The following MAF variants were observed in gnomAD, a reference collection of about 807,000 sequenced individuals.
MAF encodes MAF bZIP transcription factor, also known as transcription factor Maf.
A neutral mutation model predicts 22.0 loss-of-function variants in MAF; 10 were observed. That is an observed-to-expected ratio of 0.45 (90% confidence interval 0.28 to 0.77). The LOEUF (loss-of-function observed/expected upper bound fraction) is 0.77. Among genes scored for constraint, MAF ranks in the 30% least tolerant of loss-of-function variants. MAF has a pLI of 0.12. For synonymous variants in MAF, 337 were observed against 255.8 expected, an observed-to-expected ratio of 1.32 and a Z score of -3.03; for missense variants, 544 against 548.4, an observed-to-expected ratio of 0.99 and a Z score of 0.08.
At chr16:79,579,726 C>A in the MAF span, among the ~76,000 whole-genome samples, 13 of 152,182 alleles carry the variant, frequency 8.5e-5, no homozygotes, top group Admixed American at 4.6e-4. Flanking sequence ...CTGACAAATT[C>A]ACAATGAAAT....
chr16:79,462,929 A>C, the MAF span, among the ~76,000 whole-genome samples: 23 of 152,354 alleles, frequency 1.5e-4, no homozygotes, highest in Admixed American at 9.1e-4. Context: ...GCTTAGCATT[A>C]TGAAGTTACA....
At chr16:79,432,244 T>C in the MAF span, among the ~76,000 whole-genome samples, 3 of 152,108 alleles carry the variant, frequency 2.0e-5, no homozygotes, top group African/African-American at 7.2e-5. Flanking sequence ...TGTGAAGAGG[T>C]ACCTTCTGCC....
At chr16:79,343,232 G>T in the MAF span, among the ~76,000 whole-genome samples, 1 of 129,606 alleles carries the variant, frequency 7.7e-6, no homozygotes, top group African/African-American at 2.7e-5. Flanking sequence ...GATCTAATCA[G>T]CCCCAACCCC....
the MAF span, among the ~76,000 whole-genome samples, chr16:79,323,318 G>C: frequency 6.6e-6 from 1 of 151,850 alleles, no homozygotes; most frequent in Non-Finnish European, 1.5e-5. Flanking sequence ...TGGTGTCCCA[G>C]GGGAGAAAAG....
chr16:79,569,569 T>A, the MAF span, among the ~76,000 whole-genome samples: 13 of 152,330 alleles, frequency 8.5e-5, no homozygotes, highest in Admixed American at 7.8e-4. Context: ...TCAGACTGCC[T>A]GAATCGGAAA....
chr16:79,547,672 T>C, the MAF span, among the ~76,000 whole-genome samples: 2 of 152,226 alleles, frequency 1.3e-5, no homozygotes, highest in South Asian at 2.1e-4. Context: ...TTAAGATTCA[T>C]TAGGTCTACC....
At chr16:79,558,701 C>T in the MAF span, among the ~76,000 whole-genome samples, 18,223 of 152,176 alleles carry the variant, frequency 0.12, 1,310 homozygotes, top group East Asian at 0.26. Flanking sequence ...GATGCAGATA[C>T]TCCATGCCTT....
the MAF span, among the ~76,000 whole-genome samples, chr16:79,486,415 G>C: frequency 3.3e-5 from 5 of 152,104 alleles, no homozygotes; most frequent in African/African-American, 9.7e-5. Context: ...AGGACAATCT[G>C]AGAAAATACA....
the MAF span, among the ~76,000 whole-genome samples, chr16:79,350,875 G>C: frequency 2.5e-4 from 36 of 146,646 alleles, no homozygotes; most frequent in African/African-American, 9.2e-4. Context: ...AAGTGTGTGT[G>C]TGTGTGTGTG....
At chr16:79,571,111 T>TAAA in the MAF span, among the ~76,000 whole-genome samples, 1 of 142,550 alleles carries the variant, frequency 7.0e-6, no homozygotes, top group African/African-American at 2.6e-5. Flanking sequence ...CATTTCCAGT[T>TAAA]AAAAAAAAAA....
the MAF span, among the ~76,000 whole-genome samples, chr16:79,565,506 TGG>T: frequency 4.7e-5 from 7 of 149,156 alleles, no homozygotes; most frequent in South Asian, 2.2e-4. Flanking sequence ...TCACGTGTTG[TGG>T]GGGGGGGGAC....
At chr16:79,491,769 T>G in the MAF span, among the ~76,000 whole-genome samples, 11 of 152,330 alleles carry the variant, frequency 7.2e-5, no homozygotes, top group East Asian at 2.1e-3. Context: ...AGTCTCTTCC[T>G]ATGAGCCTTG....
chr16:79,385,688 G>A, the MAF span, among the ~76,000 whole-genome samples: 2 of 152,098 alleles, frequency 1.3e-5, no homozygotes, highest in African/African-American at 4.8e-5. Context: ...ATCACTTAAG[G>A]TCAGGAGTTC....
At chr16:79,328,386 G>A in the MAF span, among the ~76,000 whole-genome samples, 3 of 152,152 alleles carry the variant, frequency 2.0e-5, no homozygotes, top group Non-Finnish European at 2.9e-5. Flanking sequence ...GGGCCACTTG[G>A]TTGTGCTGGA....
the MAF span, among the ~76,000 whole-genome samples, chr16:79,557,142 C>A: frequency 6.7e-6 from 1 of 150,132 alleles, no homozygotes; most frequent in African/African-American, 2.5e-5. Context: ...GCCAACACTC[C>A]TTTCAACAGA....
chr16:79,247,897 G>A, the MAF span, among the ~76,000 whole-genome samples: 1 of 152,060 alleles, frequency 6.6e-6, no homozygotes, highest in Admixed American at 6.5e-5. Flanking sequence ...TAAAATTCTG[G>A]AATGAGTGAA....
At chr16:79,522,502 T>C in the MAF span, among the ~76,000 whole-genome samples, 1,017 of 152,322 alleles carry the variant, frequency 6.7e-3, 13 homozygotes, top group African/African-American at 0.023. Context: ...ATCAGTTCAA[T>C]AGACATAGGG....
chr16:79,391,430 C>T, the MAF span, among the ~76,000 whole-genome samples: 6 of 152,150 alleles, frequency 3.9e-5, no homozygotes, highest in South Asian at 2.1e-4. Context: ...ATTGACTCCA[C>T]GAGAAGTGCC....
At chr16:79,366,199 C>T in the MAF span, among the ~76,000 whole-genome samples, 3,493 of 152,118 alleles carry the variant, frequency 0.023, 296 homozygotes, top group Admixed American at 0.15. Flanking sequence ...CATCTGAAAC[C>T]CCAAGGAAAA....
Sources: allele counts gnomAD v4.1 joint callset (sites outside exome capture counted in the v4.1 genomes callset), GRCh38; gene constraint gnomAD v4.1.1; transcripts MANE v1.5; gene names NCBI Gene and HGNC (gene_info 2026-07-23, HGNC 2026-07-21).